HMGB1: variants seen among roughly 807,000 people sequenced by gnomAD.
The protein encoded by HMGB1 is high mobility group box 1, also known as high mobility group protein B1.
For synonymous variants in HMGB1, 81 were observed against 84.0 expected, an observed-to-expected ratio of 0.96 and a Z score of 0.19; for missense variants, 79 against 253.5, an observed-to-expected ratio of 0.31 and a Z score of 4.67.
intron 1 of HMGB1, among the ~76,000 whole-genome samples, chr13:30,599,294 C>A (rs1184943863): frequency 6.6e-6 from 1 of 152,048 alleles, no homozygotes; most frequent in African/African-American, 2.4e-5. Flanking sequence ...CATGGAGAAA[C>A]CCCGTCTCTA....
chr13:30,598,701 G>A (rs1449205858), intron 1 of HMGB1, among the ~76,000 whole-genome samples: 1 of 152,110 alleles, frequency 6.6e-6, no homozygotes, highest in Non-Finnish European at 1.5e-5. Context: ...GAAGGAAAGG[G>A]GCTACAGCCT....
chr13:30,539,583 C>A, intron 1 of HMGB1: 2 of 268,098 alleles, frequency 7.5e-6, no homozygotes, highest in Non-Finnish European at 1.4e-5. Context: ...CAGAGTAGTG[C>A]TAATGTGCTG....
intron 1 of HMGB1, among the ~76,000 whole-genome samples, chr13:30,610,371 G>C (rs1312750008): frequency 6.6e-6 from 1 of 152,190 alleles, no homozygotes; most frequent in African/African-American, 2.4e-5. Flanking sequence ...CTAGGAGTTG[G>C]AAAAGGAAAG....
At chr13:30,466,651 T>A (rs1189289756), upstream of HMGB1, among the ~76,000 whole-genome samples, 1 of 152,184 alleles carries the variant, frequency 6.6e-6, no homozygotes, top group African/African-American at 2.4e-5. Flanking sequence ...TTTTTCTTGG[T>A]TTGATCGAGT....
At chr13:30,604,151 T>TG (rs1056415512) in intron 1 of HMGB1, among the ~76,000 whole-genome samples, 13 of 103,268 alleles carry the variant, frequency 1.3e-4, no homozygotes, top group Middle Eastern at 5.0e-3. Flanking sequence ...CTCTCCAAGT[T>TG]GGGGGGTGGG....
At chr13:30,572,597 G>A (rs973301377) in intron 1 of HMGB1, among the ~76,000 whole-genome samples, 1 of 152,146 alleles carries the variant, frequency 6.6e-6, no homozygotes, top group East Asian at 1.9e-4. Context: ...TTTCACCAGA[G>A]CAAGATATCA....
chr13:30,536,387 G>C (rs1868435418), intron 1 of HMGB1, among the ~76,000 whole-genome samples: 1 of 151,884 alleles, frequency 6.6e-6, no homozygotes, highest in Non-Finnish European at 1.5e-5. Flanking sequence ...AACTAATTTT[G>C]TTTTTGAACT....
chr13:30,488,282 T>C (rs1887406668), intron 1 of HMGB1, among the ~76,000 whole-genome samples: 1 of 152,232 alleles, frequency 6.6e-6, no homozygotes, highest in African/African-American at 2.4e-5. Context: ...AAATTTAAAC[T>C]ATCACTAAAC....
chr13:30,611,141 A>G (rs956300000), intron 1 of HMGB1, among the ~76,000 whole-genome samples: 1 of 152,146 alleles, frequency 6.6e-6, no homozygotes, highest in Non-Finnish European at 1.5e-5. Flanking sequence ...TTTAACTAAC[A>G]TTTTTTAAAA....
upstream of HMGB1, among the ~76,000 whole-genome samples, chr13:30,466,927 C>T (rs950454875): frequency 1.3e-5 from 2 of 152,212 alleles, no homozygotes; most frequent in African/African-American, 4.8e-5. Flanking sequence ...TCCCATCACA[C>T]CACTTAGTGC....
At chr13:30,604,930 T>C (rs564235551) in intron 1 of HMGB1, among the ~76,000 whole-genome samples, 241 of 152,238 alleles carry the variant, frequency 1.6e-3, no homozygotes, top group Admixed American at 5.6e-3. Flanking sequence ...AGTGCTGGGA[T>C]TGCAGGCGTG....
chr13:30,568,280 G>A (rs916185099), intron 1 of HMGB1, among the ~76,000 whole-genome samples: 4 of 152,164 alleles, frequency 2.6e-5, no homozygotes, highest in African/African-American at 9.7e-5. Flanking sequence ...GCCAAGGTGG[G>A]AGAATCGTTG....
intron 1 of HMGB1, among the ~76,000 whole-genome samples, chr13:30,530,176 A>C (rs1307597017): frequency 6.6e-6 from 1 of 152,130 alleles, no homozygotes; most frequent in Non-Finnish European, 1.5e-5. Context: ...TTTCTAAAAC[A>C]CCTGACTTCT....
At chr13:30,521,914 G>C (rs1888247138) in intron 1 of HMGB1, among the ~76,000 whole-genome samples, 1 of 152,126 alleles carries the variant, frequency 6.6e-6, no homozygotes, top group Non-Finnish European at 1.5e-5. Flanking sequence ...AACCATCTTA[G>C]TGGGTGTGAA....
intron 1 of HMGB1, among the ~76,000 whole-genome samples, chr13:30,607,677 T>C (rs759897349): frequency 2.6e-5 from 4 of 152,202 alleles, no homozygotes; most frequent in Non-Finnish European, 5.9e-5. Context: ...TAGAAGAACA[T>C]GTAACCAGAG....
chr13:30,555,110 C>T (rs1210603807), intron 1 of HMGB1, among the ~76,000 whole-genome samples: 1 of 134,440 alleles, frequency 7.4e-6, no homozygotes, highest in African/African-American at 2.8e-5. Flanking sequence ...GGCGCGATCT[C>T]GGCTCACTGC....
chr13:30,503,361 AG>A (rs1001736577), intron 1 of HMGB1, among the ~76,000 whole-genome samples: 102 of 152,068 alleles, frequency 6.7e-4, no homozygotes, highest in African/African-American at 2.4e-3. Flanking sequence ...AAAAAAAAAA[AG>A]TTTAGGATAA....
intron 1 of HMGB1, among the ~76,000 whole-genome samples, chr13:30,575,679 C>T (rs1056194037): frequency 6.6e-6 from 1 of 152,056 alleles, no homozygotes; most frequent in Non-Finnish European, 1.5e-5. Flanking sequence ...AATTAATTTT[C>T]TAATAATACA....
chr13:30,525,504 GT>G (rs1888342334), intron 1 of HMGB1, among the ~76,000 whole-genome samples: 1 of 152,138 alleles, frequency 6.6e-6, no homozygotes, highest in Non-Finnish European at 1.5e-5. Flanking sequence ...TAGCCCAGTT[GT>G]TTTGCACATG....
Sources: allele counts gnomAD v4.1 joint callset (sites outside exome capture counted in the v4.1 genomes callset), GRCh38; gene constraint gnomAD v4.1.1; transcripts MANE v1.5; gene names NCBI Gene and HGNC (gene_info 2026-07-23, HGNC 2026-07-21).